The following RBM20 variants were observed in gnomAD, a reference collection of about 807,000 sequenced individuals.
The protein encoded by RBM20 is RNA binding motif protein 20.
Under a neutral mutation model 110.1 loss-of-function variants are expected in RBM20, and 51 were observed. The observed-to-expected ratio is 0.46, with a 90% CI of 0.37 to 0.59. The LOEUF (loss-of-function observed/expected upper bound fraction) is 0.59. Among genes scored for constraint, RBM20 ranks in the 20% least tolerant of loss-of-function variants. RBM20 has a pLI of 0.00. For synonymous variants in RBM20, 589 were observed against 618.2 expected (o/e 0.95, Z 0.70); for missense variants, 1,512 against 1,574.9 (o/e 0.96, Z 0.68).
At chr10:110,766,045 GC>G (rs1409987857) in intron 1 of RBM20, among the ~76,000 whole-genome samples, 1 of 152,158 alleles carries the variant, frequency 6.6e-6, no homozygotes, top group Non-Finnish European at 1.5e-5. Flanking sequence ...TACATGTCAA[GC>G]CTTGGCTGCC....
At chr10:110,649,224 C>T (rs185811027) in intron 1 of RBM20, among the ~76,000 whole-genome samples, 569 of 151,766 alleles carry the variant, frequency 3.7e-3, no homozygotes, top group Middle Eastern at 0.014. Flanking sequence ...TTCTTTCTTT[C>T]CTTCTGATTT....
chr10:110,702,988 C>T (rs58648756), intron 1 of RBM20, among the ~76,000 whole-genome samples: 23,673 of 126,574 alleles, frequency 0.19, 2,070 homozygotes, highest in East Asian at 0.41. Flanking sequence ...GGTTTTTTTT[C>T]TTGTTTTTTT....
intron 1 of RBM20, among the ~76,000 whole-genome samples, chr10:110,664,409 A>G (rs1014055680): frequency 6.6e-6 from 1 of 152,214 alleles, no homozygotes; most frequent in Non-Finnish European, 1.5e-5. Flanking sequence ...GGATTTACAT[A>G]CATCAAATAT....
At chr10:110,792,399 A>G (rs1188212008) in intron 5 of RBM20, among the ~76,000 whole-genome samples, 2 of 152,142 alleles carry the variant, frequency 1.3e-5, no homozygotes, top group Non-Finnish European at 2.9e-5. Flanking sequence ...GATAAACATT[A>G]TTTACAGGAG....
chr10:110,700,287 A>G (rs1862738359), intron 1 of RBM20, among the ~76,000 whole-genome samples: 1 of 152,136 alleles, frequency 6.6e-6, no homozygotes, highest in Non-Finnish European at 1.5e-5. Flanking sequence ...TATAGGTGCT[A>G]CATTTTTTCA....
intron 1 of RBM20, among the ~76,000 whole-genome samples, chr10:110,752,323 C>T (rs1000492511): frequency 1.3e-5 from 2 of 152,210 alleles, no homozygotes; most frequent in African/African-American, 4.8e-5. Flanking sequence ...TGGCCTCTTT[C>T]ACCTAGTAAT....
chr10:110,812,629 C>T lies in RBM20; in HGVS notation c.2232C>T (p.Asn744=), dbSNP rs975320203. Residue 744 remains asparagine (N), a synonymous_variant, in exon 9 of 14, where the codon AAC becomes AAT. Coordinates refer to ENST00000369519, the MANE Select transcript of RBM20 (RefSeq NM_001134363.3). ...AGTACCCGAGATCTGGGTCTCCCAACCTGCCCCACTCTGTGTCCAGCTACA... is the reference window on the plus strand; with the variant it reads ...AGTACCCGAGATCTGGGTCTCCCAATCTGCCCCACTCTGTGTCCAGCTACA... ...REKYPRSGSP[N]LPHSVSSYKS... is the part of the protein sequence containing the mutation. The T allele has an allele frequency of 4.5e-6, 7 of 1,551,562 alleles. No individual in the cohort carries two copies. The Admixed American group carries it at 5.9e-5, about 13-fold the overall frequency.
intron 13 of RBM20, among the ~76,000 whole-genome samples, chr10:110,833,404 A>AAAAAAAAAAAAAAAAG: frequency 6.7e-6 from 1 of 149,684 alleles, no homozygotes; most frequent in African/African-American, 2.5e-5. Flanking sequence ...AAAAAAAAAA[A>AAAAAAAAAAAAAAAAG]AAGAAATGCA....
intron 5 of RBM20, among the ~76,000 whole-genome samples, chr10:110,785,480 C>T (rs1246769890): frequency 6.6e-5 from 10 of 152,076 alleles, no homozygotes; most frequent in Admixed American, 3.9e-4. Context: ...CACTTGAACC[C>T]GGGAGGCAAA....
In RBM20 at chr10:110,839,150, T is replaced by TA. The variant is rs1008553683; in HGVS notation, c.*3173dup. ...GTTAACACCCAAAATAGCATCTATC[T>TA]AGACAGTATCCCCAAAGAATTTGGA... On this transcript the variant is annotated 3_prime_UTR_variant, in exon 14 of 14. Transcript: ENST00000369519. The TA allele has an allele frequency of 6.6e-6, 1 of 152,218 alleles. No individual in the cohort carries two copies. The highest frequency in any genetic ancestry group is 2.4e-5 in the African/African-American group (1 of 41,458). The allele number at this position is 152,218 out of a possible 1,614,324, so 9.4% of individuals were successfully genotyped here. A position where few individuals can be genotyped will look rare whatever the true frequency, so the allele number is the denominator to read the frequency against.
chr10:110,811,551 G>T (rs974985898), intron 8 of RBM20, among the ~76,000 whole-genome samples: 17 of 152,192 alleles, frequency 1.1e-4, no homozygotes, highest in African/African-American at 4.1e-4. Flanking sequence ...CAGAGTGGAG[G>T]GGGGTTAGGA....
At chr10:110,702,975 G>T (rs1382962935) in intron 1 of RBM20, among the ~76,000 whole-genome samples, 1 of 147,638 alleles carries the variant, frequency 6.8e-6, no homozygotes, top group Non-Finnish European at 1.5e-5. Context: ...GGGGTTTGGG[G>T]TGGGTTTTTT....
chr10:110,722,301 G>A (rs1843518298), intron 1 of RBM20, among the ~76,000 whole-genome samples: 1 of 152,080 alleles, frequency 6.6e-6, no homozygotes, highest in African/African-American at 2.4e-5. Flanking sequence ...AAAATTGAGA[G>A]GAAGGTACAG....
intron 11 of RBM20, chr10:110,822,559 G>A: frequency 2.2e-6 from 1 of 445,752 alleles, no homozygotes; most frequent in South Asian, 1.6e-5. Context: ...CGTCTTCTCT[G>A]CCAAGTGGAA....
At chr10:110,701,344 T>C (rs1163462075) in intron 1 of RBM20, among the ~76,000 whole-genome samples, 1 of 152,110 alleles carries the variant, frequency 6.6e-6, no homozygotes, top group Non-Finnish European at 1.5e-5. Context: ...TCTCCAAGAG[T>C]TCCTGTCTTT....
intron 7 of RBM20, among the ~76,000 whole-genome samples, chr10:110,805,553 C>T (rs933336713): frequency 6.6e-6 from 1 of 152,240 alleles, no homozygotes; most frequent in Non-Finnish European, 1.5e-5. Flanking sequence ...CGGGTGTAGC[C>T]TGCCATGCCC....
chr10:110,700,435 C>T (rs377238742), intron 1 of RBM20, among the ~76,000 whole-genome samples: 15 of 152,262 alleles, frequency 9.9e-5, no homozygotes, highest in East Asian at 9.6e-4. Context: ...AGGAGCTGTA[C>T]CAATTAAGAA....
chr10:110,716,364 G>A (rs548981210), intron 1 of RBM20, among the ~76,000 whole-genome samples: 1 of 152,316 alleles, frequency 6.6e-6, no homozygotes, highest in East Asian at 1.9e-4. Flanking sequence ...CTGCTCTGTA[G>A]GCCTATATGG....
intron 1 of RBM20, among the ~76,000 whole-genome samples, chr10:110,700,307 T>G (rs921504053): frequency 6.6e-6 from 1 of 152,154 alleles, no homozygotes; most frequent in Non-Finnish European, 1.5e-5. Context: ...ACTTGGGCGC[T>G]TCAGATTTAG....
Sources: allele counts gnomAD v4.1 joint callset (sites outside exome capture counted in the v4.1 genomes callset), GRCh38; gene constraint gnomAD v4.1.1; transcripts MANE v1.5; gene names NCBI Gene and HGNC (gene_info 2026-07-23, HGNC 2026-07-21).